The following HAUS8 variants were observed in gnomAD, a reference collection of about 807,000 sequenced individuals.
HAUS8 encodes HAUS augmin like complex subunit 8, also known as HAUS augmin-like complex subunit 8.
HAUS8 carries 38 observed loss-of-function variants against 42.9 expected under a neutral mutation model. The observed-to-expected ratio is 0.89, with a 90% CI of 0.68 to 1.16. HAUS8 has a LOEUF of 1.16. Ranked by LOEUF, HAUS8 falls within the 50% of genes most tolerant of loss-of-function variation. The pLI, the probability that HAUS8 is intolerant of heterozygous loss-of-function variation, is 0.00. For missense variants in HAUS8, 494 were observed against 511.6 expected (o/e 0.97, Z 0.33); for synonymous variants, 199 against 205.8 (o/e 0.97, Z 0.28).
chr19:17,061,592 A>C (rs904339132), intron 4 of HAUS8, among the ~76,000 whole-genome samples: 3 of 152,236 alleles, frequency 2.0e-5, no homozygotes, highest in Non-Finnish European at 4.4e-5. Context: ...GGTTTAAATT[A>C]AGGTTTCTTA....
intron 2 of HAUS8, among the ~76,000 whole-genome samples, chr19:17,069,776 C>T (rs1472695358): frequency 6.6e-6 from 1 of 152,046 alleles, no homozygotes; most frequent in Non-Finnish European, 1.5e-5. Context: ...GTTCCTCCCA[C>T]CTCCTACGCC....
At chr19:17,057,972 G>A (rs1013311640) in intron 8 of HAUS8, among the ~76,000 whole-genome samples, 13 of 152,162 alleles carry the variant, frequency 8.5e-5, no homozygotes, top group Non-Finnish European at 1.5e-4. Context: ...ATTCTCCCTC[G>A]CAGCCCTCAG....
intron 2 of HAUS8, among the ~76,000 whole-genome samples, chr19:17,069,644 G>A (rs915515016): frequency 2.6e-5 from 4 of 151,946 alleles, no homozygotes; most frequent in Non-Finnish European, 4.4e-5. Flanking sequence ...ACTCCTGGGA[G>A]CGTGACTGTG....
chr19:17,068,091 A>ATTTTATTCT (rs2057398044), intron 3 of HAUS8, among the ~76,000 whole-genome samples: 1 of 103,464 alleles, frequency 9.7e-6, no homozygotes, highest in East Asian at 2.8e-4. Flanking sequence ...CTGTTTTTTT[A>ATTTTATTCT]TTTTATTCTT....
At chr19:17,061,494 T>C (rs553144871) in intron 4 of HAUS8, among the ~76,000 whole-genome samples, 12 of 152,312 alleles carry the variant, frequency 7.9e-5, no homozygotes, top group African/African-American at 2.9e-4. Context: ...ATCATCAGCA[T>C]GTATAGCATT....
chr19:17,068,543 C>A (rs1250452967), intron 3 of HAUS8, among the ~76,000 whole-genome samples: 1 of 152,132 alleles, frequency 6.6e-6, no homozygotes, highest in East Asian at 1.9e-4. Context: ...GAGGCGGGAG[C>A]ATCACTTGAG....
chr19:17,071,503 T>C (rs1013524369), intron 2 of HAUS8, among the ~76,000 whole-genome samples: 2 of 151,806 alleles, frequency 1.3e-5, no homozygotes, highest in Admixed American at 1.3e-4. Flanking sequence ...ACAAAAAGAG[T>C]CTACCCTGGA....
In HAUS8 at chr19:17,059,612, G is replaced by A. The variant is rs1340853879; in HGVS notation, c.365C>T (p.Thr122Ile). 1.2e-6 allele frequency: 2 copies of A among 1,613,764 alleles called. No individual in the cohort carries two copies. Among genetic ancestry groups the A allele is most frequent in the Non-Finnish European group, 1.7e-6 (2 of 1,179,904 alleles). Reference protein sequence around the residue: ...IVKKTPQLAKTISKKPESTSF... With the variant: ...IVKKTPQLAKIISKKPESTSF... Reference sequence around the variant, plus strand: ...TGTTGACTCAGGTTTCTTTGATATTGTTTTTGCTAACTGTGGCGTCTTTTT... The same window carrying A: ...TGTTGACTCAGGTTTCTTTGATATTATTTTTGCTAACTGTGGCGTCTTTTT... Residue 122 changes from threonine (T) to isoleucine (I), a missense_variant, in exon 6 of 11, where the codon ACA (threonine) becomes ATA (isoleucine). Thr to Ile is a moderately conservative substitution (Grantham distance 89). Coordinates refer to ENST00000253669, the MANE Select transcript of HAUS8 (RefSeq NM_033417.2).
chr19:17,067,159 C>T lies in HAUS8; in HGVS notation c.147+1872G>A, dbSNP rs369153839. 1.4e-4 allele frequency among the ~76,000 whole-genome samples: 21 copies of T among 149,020 alleles called. 1 individual carries two copies. The highest frequency in any genetic ancestry group is 1.2e-3 in the East Asian group (6 of 5,118). On this transcript the variant is annotated intron_variant, in intron 3 of 10. Coordinates refer to ENST00000253669, the MANE Select transcript of HAUS8 (RefSeq NM_033417.2). ...GGCGGAGGTTGCAGTGAGCCGAGAT[C>T]GCACTACTGCACTCCAGCCTGGGCA... is the stretch of plus-strand genomic sequence containing the variant.
In HAUS8 at chr19:17,062,753, G is replaced by C. The variant is rs2305755; in HGVS notation, c.174C>G (p.Thr58=). The change falls in exon 4 of 11, where the codon ACC becomes ACG. Residue 58 remains threonine (T), a synonymous_variant. Transcript: ENST00000253669. ...QKAPAGDGSQ[T]RGKMSEGGRK... is the part of the protein sequence containing the mutation. ...TTCCACCTTCAGACATCTTCCCTCG[G>C]GTCTGTGACCCATCTCCTGCAGGAG... 19,922 of 1,613,876 alleles carry C rather than the reference G, an allele frequency of 0.012. 257 individuals carry two copies. The highest frequency in any genetic ancestry group is 0.041 in the South Asian group (3,707 of 91,072).
Position 17,050,122 on chromosome 19 carries a change from C to G in HAUS8, c.984G>C (p.Leu328Phe), listed in dbSNP as rs1434261789. The G allele has an allele frequency of 6.4e-7, 1 of 1,568,976 alleles. No homozygotes were observed. Among genetic ancestry groups the G allele is most frequent in the East Asian group, 2.3e-5 (1 of 42,938 alleles). Residue 328 changes from leucine (L) to phenylalanine (F), a missense_variant, in exon 11 of 11, where the codon TTG (leucine) becomes TTC (phenylalanine). Transcript: ENST00000253669. ...TCTCTTCCCAGACTTCCTGGTTTGC[C>G]AAGGCTGCCTCTTTGCTTGCCTCTG... ...LSAEASKEAA[L>F]ANQEVWEETQ... is the part of the protein sequence containing the mutation.
intron 2 of HAUS8, 65 bp from the exon 3 acceptor site, chr19:17,069,151 CCCCACGCCCCGGAGACCCAGAT>C: frequency 6.9e-7 from 1 of 1,454,316 alleles, no homozygotes; most frequent in Non-Finnish European, 9.5e-7. Context: ...CACACCCAGA[CCCCACGCCCCGGAGACCCAGAT>C]GCCAGGGGCC....
rs575785640 is a variant in HAUS8, at chr19:17,056,034, C to T, written c.646-32G>A. The stretch of plus-strand genomic sequence containing the variant: ...GCAGAAGGGATAATCAGGGGAGACC[C>T]TGGAGTCCCCTCTCTGGAAACTTAA... On this transcript the variant is annotated intron_variant, in intron 8 of 10. Coordinates refer to ENST00000253669, the MANE Select transcript of HAUS8 (RefSeq NM_033417.2). The T allele has an allele frequency of 1.3e-5, 21 of 1,609,048 alleles. No individual in the cohort carries two copies. The South Asian group carries it at 2.3e-4, about 18-fold the overall frequency.
At chr19:17,050,268 G>C (rs2057279317) in intron 10 of HAUS8, 92 bp from the exon 11 acceptor site, 2 of 974,284 alleles carry the variant, frequency 2.1e-6, no homozygotes, top group African/African-American at 3.3e-5. Flanking sequence ...CGGGGAGGCG[G>C]ATTTTCACAT....
chr19:17,064,832 C>T (rs1047473330), intron 3 of HAUS8, among the ~76,000 whole-genome samples: 1 of 152,096 alleles, frequency 6.6e-6, no homozygotes, highest in Admixed American at 6.6e-5. Context: ...AAGCACAATC[C>T]ACAAATGGGG....
chr19:17,071,274 A>G (rs996727926), intron 2 of HAUS8, among the ~76,000 whole-genome samples: 1 of 152,134 alleles, frequency 6.6e-6, no homozygotes, highest in Non-Finnish European at 1.5e-5. Context: ...CCCTGAGAGG[A>G]AAGGAGGTAC....
intron 2 of HAUS8, among the ~76,000 whole-genome samples, chr19:17,069,872 A>G (rs1247991416): frequency 1.3e-5 from 2 of 151,858 alleles, no homozygotes; most frequent in Non-Finnish European, 2.9e-5. Flanking sequence ...TCCCGCCACC[A>G]CATCCAGCCA....
At chr19:17,064,299 A>G (rs1430575122) in intron 3 of HAUS8, among the ~76,000 whole-genome samples, 1 of 152,242 alleles carries the variant, frequency 6.6e-6, no homozygotes, top group East Asian at 1.9e-4. Context: ...ACTCGCTTTT[A>G]TTAAGAAGGC....
rs376918909 is a variant in HAUS8, at chr19:17,058,826, C to T, written c.471G>A (p.Thr157=). The T allele has an allele frequency of 2.4e-5, 38 of 1,613,292 alleles. No individual in the cohort carries two copies. Among genetic ancestry groups the T allele is most frequent in the East Asian group, 8.9e-5 (4 of 44,898 alleles). The change falls in exon 7 of 11, where the codon ACG becomes ACA. Residue 157 remains threonine, a synonymous_variant. Transcript: ENST00000253669. ...EMMESQTLLL[T]LLSVKMENNL... The stretch of plus-strand genomic sequence containing the variant: ...CTGTTTTCACCTTTACGGATAGTAG[C>T]GTCAGCAGTAGTGTCTGAGACTCCA...
Sources: gnomAD v4.1 joint callset for allele counts (sites outside exome capture counted in the v4.1 genomes callset) on GRCh38, gnomAD v4.1.1 for gene constraint, MANE v1.5 for transcripts, NCBI Gene and HGNC (gene_info 2026-07-23, HGNC 2026-07-21) for gene names.